Variants in SERINC3 observed in about 807,000 individuals in gnomAD.
The protein encoded by SERINC3 is tumor differentially expressed protein 1.
Under a neutral mutation model 52.1 loss-of-function variants are expected in SERINC3, and 22 were observed. The ratio of observed to expected loss-of-function variants is 0.42; its 90% CI spans 0.30 to 0.60. The LOEUF is 0.60. SERINC3 is among the 20% of genes least tolerant of loss of function. SERINC3 has a pLI of 0.16. For synonymous variants in SERINC3, 226 were observed against 212.7 expected (o/e 1.06, Z -0.54); for missense variants, 564 against 584.6 (o/e 0.96, Z 0.36).
At chr20:44,504,060 G>A in intron 7 of SERINC3, 65 bp from the exon 8 acceptor site, 1 of 1,357,814 alleles carries the variant, frequency 7.4e-7, no homozygotes, top group Non-Finnish European at 1.0e-6. Flanking sequence ...AAGAACTTGA[G>A]GAGTTCCCTA....
Position 44,506,944 on chromosome 20 carries a change from C to A in SERINC3, c.666G>T (p.Gly222=), listed in dbSNP as rs762804409. The stretch of plus-strand genomic sequence containing the variant: ...GTTTGGTGTAATATGTATAGAGCAG[C>A]CCGACACAGATGATTGACAGGATAT... ...AFYILSIICV[G]LLYTYYTKPD... is the part of the protein sequence containing the mutation. The change falls in exon 6 of 10, where the codon GGG becomes GGT. Residue 222 remains glycine (G), a synonymous_variant. Transcript: ENST00000342374. 1 of 1,608,798 alleles carries A rather than the reference C, an allele frequency of 6.2e-7. No homozygotes were observed. The highest frequency in any genetic ancestry group is 1.1e-5 in the South Asian group (1 of 89,568).
At chr20:44,504,111 C>G (rs2064296952) in intron 7 of SERINC3, 116 bp from the exon 8 acceptor site, 2 of 781,868 alleles carry the variant, frequency 2.6e-6, no homozygotes, top group Non-Finnish European at 3.9e-6. Context: ...GAATGCTTTA[C>G]TTAAAAAATC....
chr20:44,511,044 C>G (rs982000039), intron 4 of SERINC3, among the ~76,000 whole-genome samples: 9 of 151,816 alleles, frequency 5.9e-5, no homozygotes, highest in Non-Finnish European at 1.3e-4. Flanking sequence ...CTTCTGAGTA[C>G]CTGGAATCAC....
chr20:44,521,924 G>A lies in SERINC3; in HGVS notation c.28C>T (p.Leu10Phe), dbSNP rs1320195330. The A allele has an allele frequency of 1.9e-6, 3 of 1,611,176 alleles. No homozygotes were observed. The highest frequency in any genetic ancestry group is 2.7e-5 in the African/African-American group (2 of 74,884). Residue 10 changes from leucine to phenylalanine, a missense_variant, in exon 1 of 10, where the codon CTC (leucine) becomes TTC (phenylalanine). Physicochemically the swap from Leu to Phe is conservative, Grantham distance 22. Transcript: ENST00000342374. The stretch of plus-strand genomic sequence containing the variant: ...GACCCCGAACTCACCCAGCTGGCGA[G>A]GGAGAAGACACCCAGCACAGCCCCC... MGAVLGVFS[L>F]ASWVPCLCSG...
At chr20:44,502,822 C>T (rs1021364105) in intron 8 of SERINC3, among the ~76,000 whole-genome samples, 1 of 152,014 alleles carries the variant, frequency 6.6e-6, no homozygotes, top group Non-Finnish European at 1.5e-5. Context: ...GTCTCAAACT[C>T]CTGGATGCAA....
Position 44,513,981 on chromosome 20 carries a change from C to G in SERINC3, c.99G>C (p.Lys33Asn), listed in dbSNP as rs768124514. Residue 33 changes from lysine (K) to asparagine (N), a missense_variant, in exon 2 of 10, where the codon AAG (lysine) becomes AAC (asparagine). Lys to Asn is a moderately conservative substitution (Grantham distance 94). Transcript: ENST00000342374. ...AAATGAGGCGAGTCACCGTGGAATT[C>G]TTACTGTTAGGACAGCAACTACACA... The part of the protein sequence containing the change: ...CLLCSCCPNS[K>N]NSTVTRLIYA... The G allele has an allele frequency of 3.7e-6, 6 of 1,614,158 alleles. No individual in the cohort carries two copies. The highest frequency in any genetic ancestry group is 5.1e-6 in the Non-Finnish European group (6 of 1,180,030).
rs41303805 is a variant in SERINC3, at chr20:44,521,976, C to T, written c.-25G>A. 1.2e-6 allele frequency: 2 copies of T among 1,603,706 alleles called. No homozygotes were observed. The highest frequency in any genetic ancestry group is 8.5e-7 in the Non-Finnish European group (1 of 1,175,186). ...TGGTGACGCCAGTGATGGAGGTGGC[C>T]GGTCCTGAGGCTGCTTTCTAACACG... is the stretch of plus-strand genomic sequence containing the variant. On this transcript the variant is annotated 5_prime_UTR_variant, in exon 1 of 10. Coordinates refer to ENST00000342374, the MANE Select transcript of SERINC3 (RefSeq NM_006811.4).
chr20:44,509,789 T>C (rs1177489479), intron 5 of SERINC3, 102 bp downstream of exon 5: 16 of 1,273,400 alleles, frequency 1.3e-5, no homozygotes, highest in Non-Finnish European at 1.6e-5. Flanking sequence ...CTTGGACTTC[T>C]GTCCCTGAGG....
At chr20:44,517,589 A>C (rs2064388413) in intron 1 of SERINC3, among the ~76,000 whole-genome samples, 1 of 152,098 alleles carries the variant, frequency 6.6e-6, no homozygotes, top group African/African-American at 2.4e-5. Flanking sequence ...CAAACCAAAA[A>C]AAAAAAAAGC....
At chr20:44,496,940 G>C (rs11696879), downstream of SERINC3, among the ~76,000 whole-genome samples, 671 of 152,264 alleles carry the variant, frequency 4.4e-3, 2 homozygotes, top group Admixed American at 8.3e-3. Context: ...ATTACCAAGA[G>C]AAAGTTTTAC....
chr20:44,503,956 C>G lies in SERINC3; in HGVS notation c.914G>C (p.Arg305Pro). The G allele has an allele frequency of 6.3e-7, 1 of 1,598,742 alleles. No individual in the cohort carries two copies. The highest frequency in any genetic ancestry group is 1.1e-5 in the South Asian group (1 of 87,276). The stretch of plus-strand genomic sequence containing the variant: ...AGGAGCCAGGGTTGGTGCAGTTATG[C>G]GTGTAATAAAGCTCATCAGGTTGGG... ...CNPNLMSFITRITAPTLAPGN... is the reference protein window; with the variant it reads ...CNPNLMSFITPITAPTLAPGN... The change falls in exon 8 of 10, where the codon CGC becomes CCC. Residue 305 changes from arginine (R) to proline (P), a missense_variant. Arg to Pro is a moderately radical substitution (Grantham distance 103). Transcript: ENST00000342374.
chr20:44,516,602 G>A (rs910397072), intron 1 of SERINC3, among the ~76,000 whole-genome samples: 1 of 152,052 alleles, frequency 6.6e-6, no homozygotes, highest in South Asian at 2.1e-4. Flanking sequence ...ATGTTGGCCA[G>A]GCTGGTCTCG....
At chr20:44,521,821 G>C in intron 1 of SERINC3, 92 bp downstream of exon 1, 1 of 1,318,900 alleles carries the variant, frequency 7.6e-7, no homozygotes, top group South Asian at 1.3e-5. Flanking sequence ...GACATCCCGA[G>C]AGCCTCTGGA....
At chr20:44,516,530 C>T (rs2064381959) in intron 1 of SERINC3, among the ~76,000 whole-genome samples, 1 of 151,868 alleles carries the variant, frequency 6.6e-6, no homozygotes, top group Non-Finnish European at 1.5e-5. Context: ...GCTGGGATTA[C>T]AGGGATTACA....
intron 6 of SERINC3, among the ~76,000 whole-genome samples, chr20:44,505,570 C>A (rs898520777): frequency 6.6e-6 from 1 of 152,102 alleles, no homozygotes. Flanking sequence ...ATCTGCCCGC[C>A]TTGGCCTCCC....
Position 44,512,813 on chromosome 20 carries a change from G to A in SERINC3, c.383C>T (p.Ala128Val), listed in dbSNP as rs1316482742. Residue 128 changes from alanine to valine, a missense_variant, in exon 3 of 10, where the codon GCA becomes GTA. Coordinates refer to ENST00000342374, the MANE Select transcript of SERINC3 (RefSeq NM_006811.4). Reference sequence around the variant, plus strand: ...AAATCTAACATACCCATTGTGTACTGCCGCTCGGAGATCTTTACTTGTTTT... The same window carrying A: ...AAATCTAACATACCCATTGTGTACTACCGCTCGGAGATCTTTACTTGTTTT... ...KVKTSKDLRA[A>V]VHNGFWFFKI... The A allele has an allele frequency of 6.4e-7, 1 of 1,574,656 alleles. No homozygotes were observed. Among genetic ancestry groups the A allele is most frequent in the Non-Finnish European group, 8.6e-7 (1 of 1,168,202 alleles).
intron 5 of SERINC3, among the ~76,000 whole-genome samples, chr20:44,509,221 T>TG (rs770920415): frequency 2.6e-5 from 4 of 152,162 alleles, no homozygotes; most frequent in Admixed American, 2.6e-4. Context: ...ATAGCAGGTA[T>TG]GGGGCCCCTC....
At chr20:44,518,768 C>T (rs1217827038) in intron 1 of SERINC3, among the ~76,000 whole-genome samples, 1 of 152,036 alleles carries the variant, frequency 6.6e-6, no homozygotes, top group East Asian at 1.9e-4. Flanking sequence ...AGTTCAAGAC[C>T]GGCCTGACCA....
intron 6 of SERINC3, among the ~76,000 whole-genome samples, chr20:44,506,021 C>A (rs866300719): frequency 6.6e-6 from 1 of 152,122 alleles, no homozygotes; most frequent in East Asian, 1.9e-4. Flanking sequence ...TCATTCCCAG[C>A]CACATGCGGT....
Sources: allele counts gnomAD v4.1 joint callset (sites outside exome capture counted in the v4.1 genomes callset), GRCh38; gene constraint gnomAD v4.1.1; transcripts MANE v1.5; gene names NCBI Gene and HGNC (gene_info 2026-07-23, HGNC 2026-07-21).